The following CERS4 variants were observed in gnomAD, a reference collection of about 807,000 sequenced individuals.
The protein encoded by CERS4 is ceramide synthase 4, also known as LAG1 homolog, ceramide synthase 4.
In CERS4, 65 loss-of-function variants were observed where a neutral mutation model predicts 51.8. That is an observed-to-expected ratio of 1.26 (90% CI 1.03 to 1.54). CERS4 has a LOEUF of 1.54. Ranked by LOEUF, CERS4 falls within the 40% of genes most tolerant of loss-of-function variation. CERS4 has a pLI of 0.00. For missense variants in CERS4, 563 were observed against 500.4 expected (o/e 1.13, Z -1.19); for synonymous variants, 228 against 208.4 (o/e 1.09, Z -0.81).
intron 2 of CERS4, chr19:8,238,582 T>C (rs1968376442): frequency 1.0e-6 from 1 of 985,216 alleles, no homozygotes; most frequent in Non-Finnish European, 1.2e-6. Context: ...GGCCCCTCTT[T>C]ACTTCCTTCC....
intron 2 of CERS4, among the ~76,000 whole-genome samples, chr19:8,224,546 G>A (rs1362179859): frequency 6.6e-6 from 1 of 152,138 alleles, no homozygotes; most frequent in East Asian, 1.9e-4. Context: ...GAACAGAGTC[G>A]TGAAGAGCTG....
At chr19:8,228,981 G>A (rs921330297) in intron 2 of CERS4, among the ~76,000 whole-genome samples, 15 of 149,044 alleles carry the variant, frequency 1.0e-4, no homozygotes, top group Non-Finnish European at 1.2e-4. Flanking sequence ...CAGAGATTGC[G>A]CCATTGCACA....
At chr19:8,259,589 G>A (rs1394203238) in intron 10 of CERS4, among the ~76,000 whole-genome samples, 2 of 152,188 alleles carry the variant, frequency 1.3e-5, no homozygotes, top group South Asian at 2.1e-4. Context: ...GGGGACCCAG[G>A]GTAGGCGAGA....
chr19:8,261,685 T>G lies in CERS4; in HGVS notation c.849-3T>G. ...CAGCCTCCTCCTCTCCCCCTGGCTG[T>G]AGGATCCTCTACACCACATACTACG... On this transcript the variant is annotated splice_region_variant and splice_polypyrimidine_tract_variant and intron_variant, in intron 10 of 11. Coordinates refer to ENST00000251363, the MANE Select transcript of CERS4 (RefSeq NM_024552.3). 6 of 1,613,900 alleles carry G rather than the reference T, an allele frequency of 3.7e-6. No homozygotes were observed. Among genetic ancestry groups the G allele is most frequent in the Non-Finnish European group, 5.1e-6 (6 of 1,179,946 alleles).
At chr19:8,232,945 C>A (rs1026785949) in intron 2 of CERS4, among the ~76,000 whole-genome samples, 1 of 136,942 alleles carries the variant, frequency 7.3e-6, no homozygotes, top group African/African-American at 2.8e-5. Context: ...ACTATGTTGT[C>A]CAGGCTGGTC....
At chr19:8,212,308 T>C (rs1967112153) in intron 2 of CERS4, among the ~76,000 whole-genome samples, 3 of 151,462 alleles carry the variant, frequency 2.0e-5, no homozygotes, top group African/African-American at 7.3e-5. Flanking sequence ...GGTGAAGGCG[T>C]GGACGGGTGA....
At chr19:8,216,603 C>A (rs906327055) in intron 2 of CERS4, among the ~76,000 whole-genome samples, 4 of 151,958 alleles carry the variant, frequency 2.6e-5, no homozygotes, top group Non-Finnish European at 5.9e-5. Flanking sequence ...TAGCAAGACC[C>A]CATTTCTGAA....
At chr19:8,254,737 C>A in intron 4 of CERS4, 121 bp downstream of exon 4, 2 of 785,054 alleles carry the variant, frequency 2.5e-6, no homozygotes, top group Non-Finnish European at 4.2e-6. Flanking sequence ...CCCTGCAATG[C>A]CCCTACTTTC....
Position 8,262,019 on chromosome 19 carries a change from G to T in CERS4, c.1095G>T (p.Gly365=). The T allele has an allele frequency of 6.3e-7, 1 of 1,586,154 alleles. No individual in the cohort carries two copies. The highest frequency in any genetic ancestry group is 8.6e-7 in the Non-Finnish European group (1 of 1,167,956). Residue 365 remains glycine, a synonymous_variant, in exon 12 of 12, where the codon GGG becomes GGT. Transcript: ENST00000251363. The part of the protein sequence containing the change: ...AAQEPLQLKN[G]AAGGPRPAPT... Reference sequence around the variant, plus strand: ...AGGAACCTCTGCAGCTAAAGAACGGGGCAGCTGGAGGGCCCAGGCCAGCCC... The same window carrying T: ...AGGAACCTCTGCAGCTAAAGAACGGTGCAGCTGGAGGGCCCAGGCCAGCCC...
At chr19:8,221,872 G>GTTTTTTTTTTTTTTTGTT (rs1967562019) in intron 2 of CERS4, among the ~76,000 whole-genome samples, 1 of 39,468 alleles carries the variant, frequency 2.5e-5, no homozygotes, top group East Asian at 7.4e-4. Context: ...ATTTTTTTAT[G>GTTTTTTTTTTTTTTTGTT]TTTTTTTTTT....
intron 2 of CERS4, among the ~76,000 whole-genome samples, chr19:8,227,079 G>T (rs1967817742): frequency 6.6e-6 from 1 of 152,068 alleles, no homozygotes; most frequent in South Asian, 2.1e-4. Flanking sequence ...CGTGAGCCAA[G>T]ATTGCACCAT....
In CERS4 at chr19:8,256,639, T is replaced by C; in HGVS notation, c.541T>C (p.Trp181Arg). ...PNQTLKPSLY[W>R]WYLLELGFYL... ...GCAGACTCTGAAGCCATCCCTGTAC[T>C]GGTGGTACCTCTTGGAGCTGGGTTT... The change falls in exon 8 of 12, where the codon TGG becomes CGG. Residue 181 changes from tryptophan (W) to arginine (R), a missense_variant. By Grantham distance (101) the Trp-to-Arg change is moderately radical. Coordinates refer to ENST00000251363, the MANE Select transcript of CERS4 (RefSeq NM_024552.3). 1 of 1,613,602 alleles carries C rather than the reference T, an allele frequency of 6.2e-7. No individual in the cohort carries two copies. Among genetic ancestry groups the C allele is most frequent in the South Asian group, 1.1e-5 (1 of 91,068 alleles).
At chr19:8,213,790 A>G (rs998942090) in intron 2 of CERS4, among the ~76,000 whole-genome samples, 14 of 151,988 alleles carry the variant, frequency 9.2e-5, no homozygotes, top group Admixed American at 2.6e-4. Flanking sequence ...ATATAGTGAA[A>G]CCCCGTCTCT....
intron 2 of CERS4, among the ~76,000 whole-genome samples, chr19:8,215,516 T>C (rs536671823): frequency 1.3e-5 from 2 of 150,006 alleles, no homozygotes; most frequent in Admixed American, 1.3e-4. Context: ...CGGGTGTGTC[T>C]GGGGGATGGG....
At chr19:8,212,785 C>T (rs562104986) in intron 2 of CERS4, among the ~76,000 whole-genome samples, 55 of 150,942 alleles carry the variant, frequency 3.6e-4, no homozygotes, top group Admixed American at 3.2e-3. Flanking sequence ...ATTACAGGTG[C>T]GAACCACCAC....
intron 2 of CERS4, chr19:8,250,853 A>G (rs977659180): frequency 1.5e-6 from 2 of 1,340,572 alleles, no homozygotes; most frequent in African/African-American, 3.0e-5. Flanking sequence ...TGACCAGGCA[A>G]TGGAGTGGGA....
In CERS4 at chr19:8,245,129, A is replaced by AAAAAAAAAAAAC. The variant is rs1327716311; in HGVS notation, c.-1-5941_-1-5940insAAAAACAAAAAA. On this transcript the variant is annotated intron_variant, in intron 2 of 11. Coordinates refer to ENST00000251363, the MANE Select transcript of CERS4 (RefSeq NM_024552.3). Reference sequence around the variant, plus strand: ...TCCATCTCAAAAAAAAAAAAAAAAAAAAAAAACACTCTTGGCTTCAAGCAA... The same window carrying AAAAAAAAAAAAC: ...TCCATCTCAAAAAAAAAAAAAAAAAAAAAAAAAAAAACAAAAAACACTCTTGGCTTCAAGCAA... Among the ~76,000 whole-genome samples, 381 of 148,628 alleles carry AAAAAAAAAAAAC rather than the reference A, an allele frequency of 2.6e-3. 14 individuals are homozygous for AAAAAAAAAAAAC. Among genetic ancestry groups the AAAAAAAAAAAAC allele is most frequent in the African/African-American group, 9.4e-3 (374 of 39,768 alleles).
intron 2 of CERS4, among the ~76,000 whole-genome samples, chr19:8,246,098 AC>A (rs200925178): frequency 6.2e-5 from 9 of 145,070 alleles, no homozygotes; most frequent in Non-Finnish European, 1.0e-4. Context: ...AACAACAACA[AC>A]AAAAAAACAA....
chr19:8,255,407 G>A (rs1969322827), intron 4 of CERS4, among the ~76,000 whole-genome samples, 200 bp from the exon 5 acceptor site: 1 of 152,146 alleles, frequency 6.6e-6, no homozygotes, highest in African/African-American at 2.4e-5. Flanking sequence ...CTATGAACAG[G>A]ATTTGCTTCT....
Sources: gnomAD v4.1 joint callset for allele counts (sites outside exome capture counted in the v4.1 genomes callset) on GRCh38, gnomAD v4.1.1 for gene constraint, MANE v1.5 for transcripts, NCBI Gene and HGNC (gene_info 2026-07-23, HGNC 2026-07-21) for gene names.